LMBRD2: variants seen among roughly 807,000 people sequenced by gnomAD.
LMBRD2 encodes G protein-coupled receptor-associated protein LMBRD2.
Under a neutral mutation model 94.4 loss-of-function variants are expected in LMBRD2, and 55 were observed. The ratio of observed to expected loss-of-function variants is 0.58; its 90% CI spans 0.47 to 0.73. The LOEUF (loss-of-function observed/expected upper bound fraction) is 0.73. Among genes scored for constraint, LMBRD2 ranks in the 30% least tolerant of loss-of-function variants. LMBRD2 has a pLI of 0.00. For synonymous variants in LMBRD2, 246 were observed against 272.4 expected (o/e 0.90, Z 0.95); for missense variants, 640 against 831.9 (o/e 0.77, Z 2.84).
At chr5:36,107,033 C>G (rs1743488844) in intron 16 of LMBRD2, among the ~76,000 whole-genome samples, 1 of 152,106 alleles carries the variant, frequency 6.6e-6, no homozygotes, top group Non-Finnish European at 1.5e-5. Flanking sequence ...AGAAATATTT[C>G]TTCATTATAA....
At chr5:36,141,748 G>A (rs1004946529) in intron 3 of LMBRD2, among the ~76,000 whole-genome samples, 1 of 151,972 alleles carries the variant, frequency 6.6e-6, no homozygotes. Flanking sequence ...GACATGATGA[G>A]TCTCTGATCA....
chr5:36,148,652 C>T (rs1031047217), intron 1 of LMBRD2, among the ~76,000 whole-genome samples: 2 of 152,120 alleles, frequency 1.3e-5, no homozygotes, highest in African/African-American at 2.4e-5. Context: ...AAGGGCTGTT[C>T]GTTTCCTTGC....
rs1471760101 is a variant in LMBRD2 at position 36,100,464 on chromosome 5, CT to C, written c.*3581del. ...AGCGTACCACTCATCAAAAACAACT[CT>C]GTACACAAAACAGAAGGAAAATCTT... is the stretch of plus-strand genomic sequence containing the variant. On this transcript the variant is annotated 3_prime_UTR_variant, in exon 18 of 18. Coordinates refer to ENST00000296603, the MANE Select transcript of LMBRD2 (RefSeq NM_001007527.2). 1 of 152,008 alleles carries C rather than the reference CT, an allele frequency of 6.6e-6. No individual in the cohort carries two copies. Among genetic ancestry groups the C allele is most frequent in the Admixed American group, 6.6e-5 (1 of 15,226 alleles). The allele number at this position is 152,008 out of a possible 1,614,324, so 9.4% of individuals were successfully genotyped here.
At chr5:36,134,369 A>G (rs1391909339) in intron 6 of LMBRD2, among the ~76,000 whole-genome samples, 1 of 152,132 alleles carries the variant, frequency 6.6e-6, no homozygotes, top group East Asian at 1.9e-4. Context: ...CTGAGTGTTT[A>G]AGAGTCTGGA....
At chr5:36,122,626 A>G (rs1378471808) in intron 8 of LMBRD2, among the ~76,000 whole-genome samples, 163 bp from the exon 9 acceptor site, 16 of 152,342 alleles carry the variant, frequency 1.1e-4, no homozygotes, top group Non-Finnish European at 4.4e-5. Context: ...TAACAGTTTT[A>G]TATAATGTAA....
intron 6 of LMBRD2, among the ~76,000 whole-genome samples, chr5:36,131,618 T>C (rs1744154687): frequency 6.6e-6 from 1 of 152,128 alleles, no homozygotes; most frequent in African/African-American, 2.4e-5. Context: ...TTAGAAGTGA[T>C]ACACAAATTC....
intron 9 of LMBRD2, among the ~76,000 whole-genome samples, chr5:36,120,673 T>G (rs1313959854): frequency 6.6e-6 from 1 of 152,188 alleles, no homozygotes; most frequent in Non-Finnish European, 1.5e-5. Context: ...GGAAAACATT[T>G]TTAGAGTTTT....
chr5:36,109,824 T>A, intron 15 of LMBRD2, 121 bp downstream of exon 15: 1 of 710,140 alleles, frequency 1.4e-6, no homozygotes, highest in Non-Finnish European at 2.3e-6. Flanking sequence ...TAAAAATATA[T>A]CTTATAACAT....
intron 7 of LMBRD2, among the ~76,000 whole-genome samples, chr5:36,123,548 T>C (rs1311500277): frequency 6.6e-6 from 1 of 151,990 alleles, no homozygotes; most frequent in Non-Finnish European, 1.5e-5. Context: ...GTATAACAGA[T>C]TTAAAATCTA....
At chr5:36,142,727 T>A in intron 2 of LMBRD2, 128 bp from the exon 3 acceptor site, 1 of 562,016 alleles carries the variant, frequency 1.8e-6, no homozygotes, top group Non-Finnish European at 3.1e-6. Context: ...TTTTTTTTTT[T>A]TTTTTCTTTT....
intron 4 of LMBRD2, among the ~76,000 whole-genome samples, chr5:36,140,211 C>T (rs1490743925): frequency 3.3e-5 from 5 of 152,192 alleles, no homozygotes; most frequent in African/African-American, 7.2e-5. Context: ...TTCACAGAGC[C>T]GACACCTGTG....
At chr5:36,123,502 AT>A (rs141991715) in intron 7 of LMBRD2, among the ~76,000 whole-genome samples, 549 of 152,194 alleles carry the variant, frequency 3.6e-3, no homozygotes, top group African/African-American at 0.012. Flanking sequence ...TTCCATGAGT[AT>A]TATCTTAGCC....
At chr5:36,128,973 G>C (rs940072861) in intron 6 of LMBRD2, among the ~76,000 whole-genome samples, 2 of 152,158 alleles carry the variant, frequency 1.3e-5, no homozygotes, top group African/African-American at 4.8e-5. Flanking sequence ...ATGCATGAGA[G>C]TATCTTAACA....
intron 11 of LMBRD2, 148 bp from the exon 12 acceptor site, chr5:36,115,268 G>A: frequency 2.0e-6 from 1 of 506,336 alleles, no homozygotes; most frequent in South Asian, 2.7e-5. Flanking sequence ...TTCTTAATGT[G>A]ACCTGCCCTC....
At chr5:36,137,547 C>T in intron 4 of LMBRD2, 106 bp from the exon 5 acceptor site, 4 of 600,120 alleles carry the variant, frequency 6.7e-6, no homozygotes, top group Non-Finnish European at 1.1e-5. Context: ...AATAGGTCTT[C>T]TCATTAATAA....
At chr5:36,117,348 C>T (rs772970112) in intron 10 of LMBRD2, among the ~76,000 whole-genome samples, 9 of 152,038 alleles carry the variant, frequency 5.9e-5, no homozygotes, top group Non-Finnish European at 1.0e-4. Flanking sequence ...GATGGTGGTG[C>T]ATGGCTGTAG....
intron 16 of LMBRD2, among the ~76,000 whole-genome samples, chr5:36,106,124 T>G (rs2111839302): frequency 6.6e-6 from 1 of 152,288 alleles, no homozygotes; most frequent in East Asian, 1.9e-4. Context: ...GTGACTCCTC[T>G]TCTTTTAAGC....
intron 4 of LMBRD2, among the ~76,000 whole-genome samples, chr5:36,138,197 A>G (rs1009142562): frequency 1.3e-5 from 2 of 152,218 alleles, no homozygotes; most frequent in Non-Finnish European, 2.9e-5. Context: ...CCAAGAGGTG[A>G]AGTAAATTAA....
At chr5:36,125,016 C>T (rs895651471) in intron 6 of LMBRD2, among the ~76,000 whole-genome samples, 1 of 152,074 alleles carries the variant, frequency 6.6e-6, no homozygotes, top group Non-Finnish European at 1.5e-5. Context: ...TTTGCCAGTA[C>T]TGTGCTAGGT....
Sources: allele counts gnomAD v4.1 joint callset (sites outside exome capture counted in the v4.1 genomes callset), GRCh38; gene constraint gnomAD v4.1.1; transcripts MANE v1.5; gene names NCBI Gene and HGNC (gene_info 2026-07-23, HGNC 2026-07-21).